The following ITGAD variants were observed in gnomAD, a reference collection of about 807,000 sequenced individuals.
ITGAD encodes integrin alpha-D.
ITGAD carries 105 observed loss-of-function variants against 139.0 expected under a neutral mutation model. The ratio of observed to expected loss-of-function variants is 0.76; its 90% CI spans 0.65 to 0.89. The LOEUF is 0.89. Ranked by LOEUF, ITGAD falls within the 40% of genes least tolerant of loss-of-function variation. ITGAD has a pLI of 0.00. For synonymous variants in ITGAD, 569 were observed against 598.3 expected, an observed-to-expected ratio of 0.95 and a Z score of 0.71; for missense variants, 1,384 against 1,487.3, an observed-to-expected ratio of 0.93 and a Z score of 1.14.
chr16:31,415,487 C>T (rs78234166), intron 18 of ITGAD, among the ~76,000 whole-genome samples: 2,049 of 152,206 alleles, frequency 0.013, 42 homozygotes, highest in African/African-American at 0.046. Flanking sequence ...GCGCCAGCCT[C>T]GCTCTCCCTT....
chr16:31,425,588 GCCT>G (rs1159930892), intron 29 of ITGAD, among the ~76,000 whole-genome samples: 1 of 152,100 alleles, frequency 6.6e-6, no homozygotes, highest in African/African-American at 2.4e-5. Flanking sequence ...CTTAGTTGTT[GCCT>G]CCTCTTCTCT....
intron 15 of ITGAD, 24 bp downstream of exon 15, chr16:31,412,992 C>T: frequency 1.3e-6 from 2 of 1,599,516 alleles, no homozygotes; most frequent in Non-Finnish European, 1.7e-6. Flanking sequence ...AACATCCTGC[C>T]CTCCCGCGCT....
chr16:31,424,035 G>A, intron 27 of ITGAD, 67 bp from the exon 28 acceptor site: 1 of 1,607,910 alleles, frequency 6.2e-7, no homozygotes, highest in Non-Finnish European at 8.5e-7. Context: ...CTGCAAGCCA[G>A]GGCACCCCCG....
chr16:31,403,869 T>C lies in ITGAD; in HGVS notation c.704+224T>C. Reference sequence around the variant, plus strand: ...CTCCTCTGCAGCTATGCCTCCCCTTTGCCTGGTTCTGCAGAGCCTGGACCC... The same window carrying C: ...CTCCTCTGCAGCTATGCCTCCCCTTCGCCTGGTTCTGCAGAGCCTGGACCC... On this transcript the variant is annotated intron_variant, in intron 7 of 29. Transcript: ENST00000389202. This position sits in a 1 kb window ranked among gnomAD's most constrained non-coding sequence, Gnocchi z 4.4. 1.8e-6 allele frequency: 1 copy of C among 549,132 alleles called. No individual in the cohort carries two copies. Among genetic ancestry groups the C allele is most frequent in the South Asian group, 2.1e-5 (1 of 47,330 alleles). 34.0% of individuals were successfully genotyped at this position (549,132 alleles called of 1,614,324 possible). A position where few individuals can be genotyped will look rare whatever the true frequency, so the allele number is the denominator to read the frequency against.
rs765290291 is a variant in ITGAD, at chr16:31,411,210, TA to T, written c.1492del (p.Arg498GlyfsTer27). On this transcript the variant is annotated frameshift_variant, in exon 13 of 30. Coordinates refer to ENST00000389202, the MANE Select transcript of ITGAD (RefSeq NM_005353.3). LOFTEE classifies it high-confidence loss of function. The part of the protein sequence containing the change: ...GGQVSVCPLP[R>X]GRVQWQCDAV... ...GCCAGGTGTCCGTGTGTCCCTTGCCTAGGGGGGTGAGTGGCTGATGGGACCT... is the reference window on the plus strand; with the variant it reads ...GCCAGGTGTCCGTGTGTCCCTTGCCTGGGGGGTGAGTGGCTGATGGGACCT... The T allele has an allele frequency of 6.2e-7, 1 of 1,613,224 alleles. No homozygotes were observed. Among genetic ancestry groups the T allele is most frequent in the South Asian group, 1.1e-5 (1 of 91,028 alleles).
chr16:31,407,744 C>G (rs780051770), intron 8 of ITGAD, 22 bp from the exon 9 acceptor site: 1 of 1,613,776 alleles, frequency 6.2e-7, no homozygotes, highest in Non-Finnish European at 8.5e-7. Context: ...GCTCATCCTC[C>G]TCGGCTGTCT....
intron 17 of ITGAD, 91 bp from the exon 18 acceptor site, chr16:31,414,769 G>C (rs1171993885): frequency 6.4e-7 from 1 of 1,571,582 alleles, no homozygotes; most frequent in Non-Finnish European, 8.7e-7. Context: ...AGGGAGCACT[G>C]TCAGGGCAGT....
intron 5 of ITGAD, 140 bp from the exon 6 acceptor site, chr16:31,401,975 C>G (rs1462145088): frequency 6.1e-5 from 51 of 836,508 alleles, no homozygotes; most frequent in Non-Finnish European, 9.1e-5. Flanking sequence ...GCTGGGGTGG[C>G]AGACTGGGGC....
Position 31,403,732 on chromosome 16 carries a change from G to C in ITGAD, c.704+87G>C. 1 of 1,534,086 alleles carries C rather than the reference G, an allele frequency of 6.5e-7. No homozygotes were observed. Among genetic ancestry groups the C allele is most frequent in the Non-Finnish European group, 8.9e-7 (1 of 1,120,710 alleles). ...CAGCACAGCTCTTCTCAGAGGCTGA[G>C]GGAGGCTCCAGGGAAAGGGGCTACC... On this transcript the variant is annotated intron_variant, in intron 7 of 29. Transcript: ENST00000389202. The surrounding 1 kb of genome is among the most constrained non-coding windows in gnomAD (Gnocchi z 4.4).
chr16:31,397,042 C>T (rs1421598787), intron 2 of ITGAD, among the ~76,000 whole-genome samples: 1 of 145,642 alleles, frequency 6.9e-6, no homozygotes, highest in Non-Finnish European at 1.5e-5. Flanking sequence ...TTGGGAAATG[C>T]CATTTTGGTC....
chr16:31,423,262 T>C lies in ITGAD; in HGVS notation c.2859+70T>C. The C allele has an allele frequency of 2.5e-6, 4 of 1,585,616 alleles. No individual in the cohort carries two copies. In the South Asian group the frequency reaches 4.4e-5, roughly 18 times the overall value. On this transcript the variant is annotated intron_variant, in intron 24 of 29. Transcript: ENST00000389202. ...TAAAGTTGGAAGTTGGTGGAGAAGA[T>C]GGAGAGGAGCCTTGGGGTAGGGCCA...
In ITGAD at chr16:31,411,402, A is replaced by C. The variant is rs142880428; in HGVS notation, c.1592A>C (p.Asn531Thr). The change falls in exon 14 of 30, where the codon AAT becomes ACT. Residue 531 changes from asparagine to threonine, a missense_variant. Physicochemically the swap from Asn to Thr is moderately conservative, Grantham distance 65. Coordinates refer to ENST00000389202, the MANE Select transcript of ITGAD (RefSeq NM_005353.3). The stretch of plus-strand genomic sequence containing the variant: ...GCCCTGACAGTGTTGGGGGATGTGA[A>C]TGAGGACAAGCTGATAGACGTGGCC... ...GAALTVLGDV[N>T]EDKLIDVAIG... The C allele has an allele frequency of 3.7e-5, 59 of 1,613,846 alleles. No homozygotes were observed. Among genetic ancestry groups the C allele is most frequent in the Non-Finnish European group, 4.7e-5 (55 of 1,179,952 alleles).
At chr16:31,399,780 T>A (rs774386540) in intron 5 of ITGAD, among the ~76,000 whole-genome samples, 4 of 152,090 alleles carry the variant, frequency 2.6e-5, no homozygotes, top group African/African-American at 4.8e-5. Flanking sequence ...GGGACCAGGG[T>A]CCACTGAGGA....
chr16:31,407,743 C>T, intron 8 of ITGAD, 23 bp from the exon 9 acceptor site: 1 of 1,613,754 alleles, frequency 6.2e-7, no homozygotes, highest in Non-Finnish European at 8.5e-7. Context: ...GGCTCATCCT[C>T]CTCGGCTGTC....
rs1391597047 is a variant in ITGAD, at chr16:31,426,095, C to G, written c.3453C>G (p.Phe1151Leu). ...CTGCCACATTCAGTGGGGACGATTTCAGCTGTGTGGCCCCAAATGTGCCTT... is the reference window on the plus strand; with the variant it reads ...CTGCCACATTCAGTGGGGACGATTTGAGCTGTGTGGCCCCAAATGTGCCTT... Reference protein sequence around the residue: ...EDTATFSGDDFSCVAPNVPLS With the variant: ...EDTATFSGDDLSCVAPNVPLS Residue 1151 changes from phenylalanine to leucine, a missense_variant, in exon 30 of 30, where the codon TTC (phenylalanine) becomes TTG (leucine). By Grantham distance (22) the Phe-to-Leu change is conservative (BLOSUM62 0). Transcript: ENST00000389202. 1 of 1,613,274 alleles carries G rather than the reference C, an allele frequency of 6.2e-7. No individual in the cohort carries two copies. The highest frequency in any genetic ancestry group is 2.2e-5 in the East Asian group (1 of 44,896).
rs2081945041 is a variant in ITGAD at position 31,418,541 on chromosome 16, T to C, written c.2757T>C (p.Tyr919=). Residue 919 remains tyrosine, a synonymous_variant, in exon 23 of 30, where the codon TAT becomes TAC. Coordinates refer to ENST00000389202, the MANE Select transcript of ITGAD (RefSeq NM_005353.3). ...ATFQLELPVK[Y]AVYTMISRQE... is the part of the protein sequence containing the mutation. ...TCCAGCTGGAGCTCCCGGTGAAGTA[T>C]GCAGTCTACACCATGATCAGCAGGT... The C allele has an allele frequency of 1.2e-6, 2 of 1,614,108 alleles. No homozygotes were observed. The highest frequency in any genetic ancestry group is 1.3e-5 in the African/African-American group (1 of 75,030).
intron 23 of ITGAD, among the ~76,000 whole-genome samples, chr16:31,419,023 CA>C (rs34885660): frequency 6.0e-4 from 54 of 89,956 alleles, no homozygotes; most frequent in Middle Eastern, 6.4e-3. Flanking sequence ...GACTCTGTCT[CA>C]AAAAAAAAAA....
chr16:31,414,796 G>C, intron 17 of ITGAD, 64 bp from the exon 18 acceptor site: 3 of 1,592,616 alleles, frequency 1.9e-6, no homozygotes, highest in Non-Finnish European at 2.6e-6. Flanking sequence ...TGGATGCAGT[G>C]GAGGAGGACT....
intron 10 of ITGAD, among the ~76,000 whole-genome samples, chr16:31,410,117 G>A (rs1369958199): frequency 4.6e-5 from 7 of 151,986 alleles, no homozygotes; most frequent in Non-Finnish European, 5.9e-5. Flanking sequence ...CAGCAGGGGT[G>A]GCTGCACATT....
Sources: gnomAD v4.1 joint callset for allele counts (sites outside exome capture counted in the v4.1 genomes callset) on GRCh38, gnomAD v4.1.1 for gene constraint, Gnocchi (gnomAD v3.1) non-coding constraint, MANE v1.5 for transcripts, NCBI Gene and HGNC (gene_info 2026-07-23, HGNC 2026-07-21) for gene names.